The following ZFHX3 variants were observed in gnomAD, a reference collection of about 807,000 sequenced individuals.
ZFHX3 encodes the protein zinc finger homeobox protein 3.
A neutral mutation model predicts 279.1 loss-of-function variants in ZFHX3; 42 were observed. The ratio of observed to expected loss-of-function variants is 0.15; its 90% confidence interval spans 0.12 to 0.19. The LOEUF (loss-of-function observed/expected upper bound fraction) is 0.19, where lower values mean the gene tolerates loss of function less well. Ranked by LOEUF, ZFHX3 falls within the 10% of genes least tolerant of loss-of-function variation. The probability of loss-of-function intolerance (pLI) is 1.00; values close to 1 mark genes in which losing one functional copy is unlikely to be tolerated. For synonymous variants in ZFHX3, 2,293 were observed against 1,957.8 expected (o/e 1.17, Z -4.52); for missense variants, 4,981 against 4,754.0 (o/e 1.05, Z -1.40).
chr16:73,319,969 G>A (rs76495730), intron 3 of ZFHX3, among the ~76,000 whole-genome samples: 2,408 of 152,214 alleles, frequency 0.016, 64 homozygotes, highest in African/African-American at 0.055. Context: ...GAGTGAACTC[G>A]GTTGCATTAA....
intron 5 of ZFHX3, among the ~76,000 whole-genome samples, chr16:73,229,279 A>G (rs1434133367): frequency 1.3e-5 from 2 of 152,198 alleles, no homozygotes; most frequent in African/African-American, 4.8e-5. Flanking sequence ...CAACCCAGTG[A>G]CACTTTGCTT....
chr16:73,279,951 C>T (rs2014414931), intron 4 of ZFHX3, among the ~76,000 whole-genome samples: 1 of 151,962 alleles, frequency 6.6e-6, no homozygotes, highest in South Asian at 2.1e-4. Context: ...AATAGAGAGC[C>T]CAGAAATAAA....
chr16:73,781,722 C>T (rs752680509), intron 1 of ZFHX3, among the ~76,000 whole-genome samples: 15 of 152,140 alleles, frequency 9.9e-5, no homozygotes, highest in Non-Finnish European at 1.6e-4. Flanking sequence ...GGCGTGGTGG[C>T]GCATGCCTGT....
At chr16:73,440,966 G>A (rs961517225) in intron 3 of ZFHX3, among the ~76,000 whole-genome samples, 1 of 152,136 alleles carries the variant, frequency 6.6e-6, no homozygotes, top group Non-Finnish European at 1.5e-5. Context: ...AAGTTATTAG[G>A]GAAGAGAGAT....
At chr16:73,008,002 T>C (rs1963777130) in intron 1 of ZFHX3, among the ~76,000 whole-genome samples, 1 of 152,226 alleles carries the variant, frequency 6.6e-6, no homozygotes, top group Non-Finnish European at 1.5e-5. Context: ...AACATGATAG[T>C]GATTTGGTCT....
chr16:72,910,546 G>A (rs1032530344), intron 3 of ZFHX3, among the ~76,000 whole-genome samples: 1 of 152,130 alleles, frequency 6.6e-6, no homozygotes, highest in South Asian at 2.1e-4. Context: ...CCATTACACA[G>A]CTCAAATGAT....
At chr16:73,115,560 T>C (rs554914412) in intron 7 of ZFHX3, among the ~76,000 whole-genome samples, 2 of 151,908 alleles carry the variant, frequency 1.3e-5, no homozygotes, top group Non-Finnish European at 2.9e-5. Context: ...AAGAGTCCAA[T>C]GTCCATACTT....
intron 1 of ZFHX3, among the ~76,000 whole-genome samples, chr16:73,718,148 C>T (rs112019927): frequency 0.016 from 2,436 of 152,316 alleles, 54 homozygotes; most frequent in African/African-American, 0.055. Flanking sequence ...CGGTGGCTCA[C>T]GCCTGTAATC....
intron 1 of ZFHX3, among the ~76,000 whole-genome samples, chr16:73,707,882 G>A (rs1341044994): frequency 1.3e-5 from 2 of 152,156 alleles, no homozygotes; most frequent in African/African-American, 4.8e-5. Flanking sequence ...GGAGGAGCGG[G>A]GAGGAAGGAA....
At chr16:73,705,900 C>T (rs1567556792) in intron 1 of ZFHX3, among the ~76,000 whole-genome samples, 2 of 152,182 alleles carry the variant, frequency 1.3e-5, no homozygotes, top group Non-Finnish European at 2.9e-5. Flanking sequence ...CACAGTTCCT[C>T]TGACACTGTA....
chr16:72,976,460 T>A (rs1010848769), intron 1 of ZFHX3, among the ~76,000 whole-genome samples: 2 of 152,232 alleles, frequency 1.3e-5, no homozygotes, highest in Admixed American at 6.5e-5. Context: ...GTTGTTCTAA[T>A]GATTTTTATT....
At chr16:72,820,832 A>G (rs1452218331) in intron 5 of ZFHX3, among the ~76,000 whole-genome samples, 1 of 152,162 alleles carries the variant, frequency 6.6e-6, no homozygotes, top group African/African-American at 2.4e-5. Flanking sequence ...AACAGAGGAA[A>G]AAGCCCAGAG....
At chr16:73,017,645 A>G (rs1018164136) in intron 1 of ZFHX3, among the ~76,000 whole-genome samples, 6 of 151,718 alleles carry the variant, frequency 4.0e-5, no homozygotes, top group Non-Finnish European at 8.8e-5. Context: ...AACTCCAGGG[A>G]GCTAGACCAC....
At chr16:73,772,419 C>T (rs375133595) in intron 1 of ZFHX3, among the ~76,000 whole-genome samples, 20 of 152,290 alleles carry the variant, frequency 1.3e-4, no homozygotes, top group Non-Finnish European at 2.2e-4. Context: ...TGCCATCACG[C>T]GAACAGCATG....
intron 6 of ZFHX3, among the ~76,000 whole-genome samples, chr16:73,143,259 G>A (rs1363172469): frequency 6.6e-6 from 1 of 152,068 alleles, no homozygotes; most frequent in Non-Finnish European, 1.5e-5. Context: ...AGAAAATGAG[G>A]CAGAAATGGA....
chr16:72,956,713 A>G (rs1961266368), intron 2 of ZFHX3, among the ~76,000 whole-genome samples: 1 of 152,152 alleles, frequency 6.6e-6, no homozygotes, highest in Non-Finnish European at 1.5e-5. Flanking sequence ...CTTGATGGAC[A>G]ATTTTTACAA....
At chr16:73,726,403 A>C (rs6564491) in intron 1 of ZFHX3, among the ~76,000 whole-genome samples, 11,756 of 152,258 alleles carry the variant, frequency 0.077, 517 homozygotes, top group African/African-American at 0.1. Context: ...CAATCTCAGC[A>C]ATATGGCATT....
In ZFHX3 at chr16:73,525,034, G is replaced by A. The variant is rs917038505; in HGVS notation, c.-1546-68776C>T. Among the ~76,000 whole-genome samples, 15 of 152,056 alleles carry A rather than the reference G, an allele frequency of 9.9e-5. No individual in the cohort carries two copies. The South Asian group carries it at 1.0e-3, about 11-fold the overall frequency. On this transcript the variant is annotated intron_variant, in intron 2 of 17. Transcript: ENST00000641206. ...TGTGACTGGTAGAAACCCCCATGCC[G>A]TAAAGACACAAGGAAAAAAAATTTT...
intron 3 of ZFHX3, among the ~76,000 whole-genome samples, chr16:72,926,530 G>C (rs922017017): frequency 2.0e-5 from 3 of 152,188 alleles, no homozygotes; most frequent in African/African-American, 7.2e-5. Flanking sequence ...AAGTGTCTCT[G>C]ATCAACATGA....
Sources: allele counts gnomAD v4.1 joint callset (sites outside exome capture counted in the v4.1 genomes callset), GRCh38; gene constraint gnomAD v4.1.1; transcripts MANE v1.5; gene names NCBI Gene and HGNC (gene_info 2026-07-23, HGNC 2026-07-21).